Variants in IPP observed in about 807,000 individuals in gnomAD.
The protein encoded by IPP is intracisternal A particle-promoted polypeptide.
IPP carries 41 observed loss-of-function variants against 64.1 expected under a neutral mutation model. The observed-to-expected ratio is 0.64, with a 90% CI of 0.50 to 0.83. The LOEUF is 0.83. Ranked by LOEUF, IPP falls within the 40% of genes least tolerant of loss-of-function variation. The probability of loss-of-function intolerance (pLI) is 0.00; values close to 1 mark genes in which losing one functional copy is unlikely to be tolerated. For missense variants in IPP, 649 were observed against 703.0 expected (o/e 0.92, Z 0.87); for synonymous variants, 214 against 235.2 (o/e 0.91, Z 0.83).
At chr1:45,695,258 G>T (rs1051776532), downstream of IPP, among the ~76,000 whole-genome samples, 1 of 152,148 alleles carries the variant, frequency 6.6e-6, no homozygotes, top group African/African-American at 2.4e-5. Flanking sequence ...TCGACCTCCT[G>T]GGCTCAAGCA....
intron 2 of IPP, among the ~76,000 whole-genome samples, chr1:45,743,409 C>T (rs750374106): frequency 2.9e-5 from 4 of 137,372 alleles, no homozygotes; most frequent in African/African-American, 1.0e-4. Flanking sequence ...AGCAAGACTC[C>T]GCCTCAAAAA....
chr1:45,739,041 A>G (rs1056828276), intron 3 of IPP, among the ~76,000 whole-genome samples: 9 of 152,136 alleles, frequency 5.9e-5, no homozygotes, highest in African/African-American at 1.9e-4. Context: ...ACAATCAACT[A>G]TATCTGTAGT....
chr1:45,722,831 T>G (rs1047631715), intron 5 of IPP, among the ~76,000 whole-genome samples: 1 of 151,972 alleles, frequency 6.6e-6, no homozygotes, highest in African/African-American at 2.4e-5. Context: ...TAAAAAGAAA[T>G]GAAGTACTGA....
At chr1:45,745,149 T>A (rs993885300) in intron 2 of IPP, among the ~76,000 whole-genome samples, 1 of 152,178 alleles carries the variant, frequency 6.6e-6, no homozygotes, top group Non-Finnish European at 1.5e-5. Flanking sequence ...TCCTCTCACA[T>A]TGGCCTCCCG....
chr1:45,740,772 G>GA (rs767026897), intron 3 of IPP, 129 bp downstream of exon 3: 395 of 560,906 alleles, frequency 7.0e-4, no homozygotes, highest in South Asian at 1.3e-3. Context: ...TTTAAAAAAA[G>GA]AAAAAAAAAG....
At chr1:45,732,856 A>G (rs1366342901) in intron 3 of IPP, among the ~76,000 whole-genome samples, 1 of 151,800 alleles carries the variant, frequency 6.6e-6, no homozygotes, top group African/African-American at 2.4e-5. Context: ...TAGTAGAGAC[A>G]GGGTTTCACT....
chr1:45,733,695 G>A (rs900814010), intron 3 of IPP, among the ~76,000 whole-genome samples: 8 of 151,976 alleles, frequency 5.3e-5, no homozygotes, highest in Admixed American at 2.6e-4. Context: ...AGTCGGGTGT[G>A]GCGGTGGGCA....
chr1:45,722,991 A>G (rs1645753965), intron 5 of IPP, among the ~76,000 whole-genome samples: 1 of 152,232 alleles, frequency 6.6e-6, no homozygotes, highest in Non-Finnish European at 1.5e-5. Context: ...GTGACTGCTG[A>G]TGGGTACAGT....
At chr1:45,695,401 ATCC>A (rs1334252116), downstream of IPP, among the ~76,000 whole-genome samples, 5 of 152,014 alleles carry the variant, frequency 3.3e-5, no homozygotes, top group East Asian at 1.9e-4. Context: ...AGCTCAAGCA[ATCC>A]TCCTGCCTAG....
intron 5 of IPP, 30 bp downstream of exon 5, chr1:45,727,601 A>G: frequency 7.0e-7 from 1 of 1,424,930 alleles, no homozygotes; most frequent in Admixed American, 1.9e-5. Context: ...AACAAGACTA[A>G]TTAAGAAAAT....
chr1:45,708,893 G>A, intron 8 of IPP, among the ~76,000 whole-genome samples: 1 of 151,582 alleles, frequency 6.6e-6, no homozygotes, highest in South Asian at 2.1e-4. Context: ...AATTAGCTGG[G>A]CGTGGTGGTG....
intron 8 of IPP, among the ~76,000 whole-genome samples, chr1:45,711,196 G>T (rs980868426): frequency 4.0e-5 from 6 of 150,806 alleles, no homozygotes; most frequent in African/African-American, 1.5e-4. Flanking sequence ...AAAAAAATTA[G>T]CCAGGCATGG....
At chr1:45,700,586 C>T (rs1489422202) in intron 8 of IPP, among the ~76,000 whole-genome samples, 1 of 152,106 alleles carries the variant, frequency 6.6e-6, no homozygotes, top group Non-Finnish European at 1.5e-5. Context: ...GATTGTCCCA[C>T]CTCAGCCTCC....
chr1:45,718,951 C>T (rs950018930), intron 6 of IPP, among the ~76,000 whole-genome samples: 2 of 148,708 alleles, frequency 1.3e-5, no homozygotes, highest in African/African-American at 4.9e-5. Context: ...GATAGTGCAA[C>T]AGGGTGACTA....
intron 2 of IPP, among the ~76,000 whole-genome samples, chr1:45,744,824 C>T (rs902327185): frequency 6.8e-6 from 1 of 148,070 alleles, no homozygotes. Context: ...GGTGACAGAG[C>T]GAGACTCTGT....
At chr1:45,732,310 C>T (rs1031090749) in intron 3 of IPP, among the ~76,000 whole-genome samples, 2 of 133,784 alleles carry the variant, frequency 1.5e-5, no homozygotes, top group African/African-American at 2.9e-5. Context: ...TGCAGTGAGC[C>T]GAGATCATGC....
chr1:45,731,684 C>A (rs1645907579), intron 3 of IPP, among the ~76,000 whole-genome samples: 1 of 151,932 alleles, frequency 6.6e-6, no homozygotes, highest in South Asian at 2.1e-4. Context: ...GCTTCTAATC[C>A]CAGCACTTTG....
Position 45,699,358 on chromosome 1 carries a change from T to TA in IPP, c.*607dup. ...GCCATGGAAAATTATGCTCTGGATA[T>TA]AATTGTGAATATAGAGGTCTTTAAA... is the stretch of plus-strand genomic sequence containing the variant. On this transcript the variant is annotated 3_prime_UTR_variant, in exon 9 of 9. Transcript: ENST00000396478. The TA allele has an allele frequency of 1.0e-6, 1 of 984,992 alleles. No homozygotes were observed. The highest frequency in any genetic ancestry group is 1.2e-6 in the Non-Finnish European group (1 of 829,506). The allele number at this position is 984,992 out of a possible 1,614,324, so 61.0% of individuals were successfully genotyped here.
chr1:45,724,873 G>A (rs1002434538), intron 5 of IPP, among the ~76,000 whole-genome samples: 2 of 149,496 alleles, frequency 1.3e-5, no homozygotes, highest in African/African-American at 2.5e-5. Context: ...CAGCCACCCC[G>A]TCGGGGAGGG....
Sources: gnomAD v4.1 joint callset for allele counts (sites outside exome capture counted in the v4.1 genomes callset) on GRCh38, gnomAD v4.1.1 for gene constraint, MANE v1.5 for transcripts, NCBI Gene and HGNC (gene_info 2026-07-23, HGNC 2026-07-21) for gene names.